Variants in SLC35E4 observed in about 807,000 individuals in gnomAD.
SLC35E4 encodes the protein solute carrier family 35 member E4.
A neutral mutation model predicts 19.3 loss-of-function variants in SLC35E4; 15 were observed. The observed-to-expected ratio is 0.78, with a 90% CI of 0.52 to 1.20. SLC35E4 has a LOEUF of 1.20. Among genes scored for constraint, SLC35E4 ranks in the 50% most tolerant of loss-of-function variants. The probability of loss-of-function intolerance (pLI) is 0.00; values close to 1 mark genes in which losing one functional copy is unlikely to be tolerated. For missense variants in SLC35E4, 406 were observed against 472.3 expected (o/e 0.86, Z 1.30); for synonymous variants, 219 against 219.9 (o/e 1.00, Z 0.04).
At chr22:30,652,836 C>G (rs989318736), downstream of SLC35E4, among the ~76,000 whole-genome samples, 3 of 152,210 alleles carry the variant, frequency 2.0e-5, no homozygotes, top group African/African-American at 7.2e-5. Context: ...TGTCATTTCT[C>G]CAGTATCTTA....
At chr22:30,656,882 AG>A in intron 2 of SLC35E4, among the ~76,000 whole-genome samples, 1 of 152,312 alleles carries the variant, frequency 6.6e-6, no homozygotes, top group South Asian at 2.1e-4. Flanking sequence ...TCGGAGGCTG[AG>A]GAGGAAGGAT....
At chr22:30,663,680 C>T, downstream of SLC35E4, 1 of 1,614,242 alleles carries the variant, frequency 6.2e-7, no homozygotes, top group Non-Finnish European at 8.5e-7. Context: ...CTGAGCGGCT[C>T]ACACCAGCAG....
At chr22:30,664,123 G>T, downstream of SLC35E4, 1 of 935,676 alleles carries the variant, frequency 1.1e-6, no homozygotes, top group Non-Finnish European at 1.6e-6. Context: ...GTGCCCAGAG[G>T]GCCAATTCCA....
At chr22:30,666,244 T>G (rs1221487694), downstream of SLC35E4, among the ~76,000 whole-genome samples, 2 of 152,240 alleles carry the variant, frequency 1.3e-5, no homozygotes, top group Non-Finnish European at 2.9e-5. Flanking sequence ...CTGTTCATTA[T>G]AGCCACTAAA....
intron 1 of SLC35E4, among the ~76,000 whole-genome samples, chr22:30,642,345 G>GC (rs1288592378): frequency 6.6e-6 from 1 of 152,134 alleles, no homozygotes; most frequent in Admixed American, 6.5e-5. Flanking sequence ...ACTGCAGGAG[G>GC]CTCCAGGAGA....
rs896622541 is a variant in SLC35E4, at chr22:30,653,622, C to A, written c.*8+4369C>A. On this transcript the variant is annotated intron_variant, in intron 2 of 2. Transcript: ENST00000406566. ...TCCTGATCTCAAGTGACCCGCCCCC[C>A]CTCGGCCTCCCAAAGTGCTTGGGAT... 3.9e-5 allele frequency among the ~76,000 whole-genome samples: 6 copies of A among 152,162 alleles called. No individual in the cohort carries two copies. The South Asian group carries it at 6.2e-4, about 16-fold the overall frequency.
rs143697118 is a variant in SLC35E4, at chr22:30,636,672, C to T, written c.222C>T (p.His74=). ...TCAACAAGTGGATCTTCACAGTGCA[C>T]GGCTTTGGGCGGCCCCTGCTGCTGT... ...SSLNKWIFTV[H]GFGRPLLLSA... is the part of the protein sequence containing the mutation. Residue 74 remains histidine, a synonymous_variant, in exon 1 of 2, where the codon CAC becomes CAT. Coordinates refer to ENST00000343605, the MANE Select transcript of SLC35E4 (RefSeq NM_001001479.4). 4 of 1,611,928 alleles carry T rather than the reference C, an allele frequency of 2.5e-6. No individual in the cohort carries two copies. Among genetic ancestry groups the T allele is most frequent in the Admixed American group, 3.3e-5 (2 of 59,966 alleles).
Position 30,646,672 on chromosome 22 carries a change from C to CT in SLC35E4, c.695dup (p.Ala233GlyfsTer37), listed in dbSNP as rs1421812964. On this transcript the variant is annotated frameshift_variant, in exon 2 of 2. Transcript: ENST00000343605. LOFTEE classifies it high-confidence loss of function. ...CACCTCGCTGCCCAGCTTCTGCCTG[C>CT]TGGCGGGTGCAGCCCTGGTGCTGGA... 2 of 1,610,910 alleles carry CT rather than the reference C, an allele frequency of 1.2e-6. No homozygotes were observed. Among genetic ancestry groups the CT allele is most frequent in the Admixed American group, 1.7e-5 (1 of 59,962 alleles).
chr22:30,654,556 CG>C, intron 2 of SLC35E4: 2 of 442,960 alleles, frequency 4.5e-6, no homozygotes, highest in East Asian at 6.9e-5. Flanking sequence ...CAGCATGCCT[CG>C]GGGTCCGCCA....
intron 1 of SLC35E4, among the ~76,000 whole-genome samples, chr22:30,637,847 G>A (rs1378288231): frequency 6.6e-6 from 1 of 152,186 alleles, no homozygotes. Flanking sequence ...TGAGGCTTTG[G>A]ACACAAAGGA....
At chr22:30,644,867 C>T (rs978655061) in intron 1 of SLC35E4, among the ~76,000 whole-genome samples, 6 of 152,200 alleles carry the variant, frequency 3.9e-5, no homozygotes, top group Non-Finnish European at 8.8e-5. Context: ...CGTAGGTACA[C>T]ACAGATACAC....
chr22:30,645,177 G>A (rs1315640236), intron 1 of SLC35E4, among the ~76,000 whole-genome samples: 1 of 152,092 alleles, frequency 6.6e-6, no homozygotes, highest in East Asian at 1.9e-4. Flanking sequence ...CTAGTAAGTG[G>A]CAGAGCTGGG....
chr22:30,646,909 A>C lies in SLC35E4; in HGVS notation c.931A>C (p.Ser311Arg), dbSNP rs773735447. 5 of 1,614,220 alleles carry C rather than the reference A, an allele frequency of 3.1e-6. No homozygotes were observed. Among genetic ancestry groups the C allele is most frequent in the Non-Finnish European group, 4.2e-6 (5 of 1,180,046 alleles). ...GTTTGGCAGCCGCCTCAGTGCCCTC[A>C]GCTACGTGGGCATCGCACTCACTCT... is the stretch of plus-strand genomic sequence containing the variant. ...LLFGSRLSAL[S>R]YVGIALTLSG... Residue 311 changes from serine to arginine, a missense_variant, in exon 2 of 2, where the codon AGC becomes CGC. By Grantham distance (110) the Ser-to-Arg change is moderately radical. Transcript: ENST00000343605.
chr22:30,664,223 T>C, downstream of SLC35E4: 2 of 566,188 alleles, frequency 3.5e-6, no homozygotes, highest in South Asian at 4.5e-5. Context: ...GCAAACTCAT[T>C]TAAAGTACAG....
chr22:30,658,806 G>A (rs375186192), intron 2 of SLC35E4, among the ~76,000 whole-genome samples: 8 of 152,106 alleles, frequency 5.3e-5, no homozygotes, highest in African/African-American at 1.9e-4. Flanking sequence ...TCACTGGGGG[G>A]CATAAGCTTA....
downstream of SLC35E4, among the ~76,000 whole-genome samples, chr22:30,651,603 A>G (rs983512658): frequency 2.0e-5 from 3 of 151,478 alleles, no homozygotes; most frequent in African/African-American, 7.3e-5. Flanking sequence ...CTTGATAAGT[A>G]GACCTTCAAT....
rs576419444 is a variant in SLC35E4, at chr22:30,654,389, C to T, written c.*8+5136C>T. The T allele has an allele frequency of 1.0e-4, 48 of 459,322 alleles. 1 individual carries two copies. The highest frequency in any genetic ancestry group is 1.4e-3 in the Middle Eastern group (2 of 1,444). The allele number at this position is 459,322 out of a possible 1,614,324, so 28.5% of individuals were successfully genotyped here. A position where few individuals can be genotyped will look rare whatever the true frequency, so the allele number is the denominator to read the frequency against. ...TGGTACTTCCAGCCAACTTTGTGATCCAGCTGCCCCAGGTAGGCAAACTTT... is the reference window on the plus strand; with the variant it reads ...TGGTACTTCCAGCCAACTTTGTGATTCAGCTGCCCCAGGTAGGCAAACTTT... On this transcript the variant is annotated intron_variant, in intron 2 of 2. Coordinates refer to the SLC35E4 transcript ENST00000406566.
exon 3 of SLC35E4, chr22:30,668,341 C>T (rs570166036): frequency 6.6e-6 from 1 of 152,390 alleles, no homozygotes; most frequent in South Asian, 2.1e-4. Context: ...GTTAGACTCT[C>T]GGACCCGCAA....
chr22:30,657,325 G>A (rs758232014), intron 2 of SLC35E4, among the ~76,000 whole-genome samples: 26 of 151,116 alleles, frequency 1.7e-4, no homozygotes, highest in Non-Finnish European at 3.1e-4. Flanking sequence ...CGGGCGTGGG[G>A]GCGGGCACCT....
Sources: allele counts gnomAD v4.1 joint callset (sites outside exome capture counted in the v4.1 genomes callset), GRCh38; gene constraint gnomAD v4.1.1; transcripts MANE v1.5; gene names NCBI Gene and HGNC (gene_info 2026-07-23, HGNC 2026-07-21).